Variants in LMF1 observed in about 807,000 individuals in gnomAD.
LMF1 encodes the protein lipase maturation factor 1.
A neutral mutation model predicts 60.6 loss-of-function variants in LMF1; 68 were observed. The ratio of observed to expected loss-of-function variants is 1.12; its 90% CI spans 0.92 to 1.37. The LOEUF (loss-of-function observed/expected upper bound fraction) is 1.37, where lower values mean the gene tolerates loss of function less well. Ranked by LOEUF, LMF1 falls within the 40% of genes most tolerant of loss-of-function variation. LMF1 has a pLI of 0.00. For synonymous variants in LMF1, 418 were observed against 324.7 expected (o/e 1.29, Z -3.09); for missense variants, 948 against 767.2 (o/e 1.24, Z -2.78).
chr16:954,177 G>T lies in LMF1; in HGVS notation c.503+180C>A. On this transcript the variant is annotated intron_variant, in intron 2 of 10. Coordinates refer to ENST00000262301, the MANE Select transcript of LMF1 (RefSeq NM_022773.4). ...AGGTGGGGTTTTAATCCTGAAGATG[G>T]GTGGCTGCTGTGGCTGGTGCACTGG... 15 of 721,556 alleles carry T rather than the reference G, an allele frequency of 2.1e-5. No individual in the cohort carries two copies. The South Asian group carries it at 2.1e-4, about 10-fold the overall frequency. The allele number at this position is 721,556 out of a possible 1,614,324, so 44.7% of individuals were successfully genotyped here.
chr16:860,286 G>C (rs2069420343), intron 10 of LMF1, among the ~76,000 whole-genome samples: 1 of 151,244 alleles, frequency 6.6e-6, no homozygotes, highest in Non-Finnish European at 1.5e-5. Flanking sequence ...TCATCTTTAA[G>C]TATAATGACT....
chr16:971,197 C>T (rs1163281120), upstream of LMF1, among the ~76,000 whole-genome samples: 1 of 152,144 alleles, frequency 6.6e-6, no homozygotes, highest in Non-Finnish European at 1.5e-5. Context: ...TCGCAGTTCT[C>T]GCTGGGCGCT....
intron 1 of LMF1, among the ~76,000 whole-genome samples, chr16:977,939 TAC>T (rs1053808883): frequency 1.8e-5 from 1 of 54,218 alleles, no homozygotes; most frequent in Non-Finnish European, 3.2e-5. Flanking sequence ...ACATACATCA[TAC>T]ACACGCACAC....
rs2071104749 is a variant in LMF1 at position 911,243 on chromosome 16, G to GCAAC, written c.515-165_515-164insGTTG. ...TATTAGTCTCAACATCGACACGCAA[G>GCAAC]GTCAGGTCTGCAGGAGTGGGAGCTC... On this transcript the variant is annotated intron_variant, in intron 3 of 10. Transcript: ENST00000262301. 4 of 839,474 alleles carry GCAAC rather than the reference G, an allele frequency of 4.8e-6. No individual in the cohort carries two copies. The African/African-American group carries it at 6.8e-5, about 14-fold the overall frequency. 52.0% of individuals were successfully genotyped at this position (839,474 alleles called of 1,614,324 possible).
chr16:965,679 C>A (rs1002431812), intron 1 of LMF1, among the ~76,000 whole-genome samples: 5 of 152,162 alleles, frequency 3.3e-5, no homozygotes, highest in Non-Finnish European at 5.9e-5. Context: ...AAAGAGAATC[C>A]ACCAGCAAAC....
At chr16:940,142 T>C (rs4984991) in intron 2 of LMF1, among the ~76,000 whole-genome samples, 72,316 of 151,888 alleles carry the variant, frequency 0.48, 18,869 homozygotes, top group African/African-American at 0.69. Flanking sequence ...AGGAAGGACC[T>C]TCCCGCAGAG....
At chr16:938,113 G>A (rs1271163071) in intron 2 of LMF1, among the ~76,000 whole-genome samples, 1 of 152,038 alleles carries the variant, frequency 6.6e-6, no homozygotes, top group African/African-American at 2.4e-5. Context: ...TACCCGCCTC[G>A]CAGGAGAGGG....
chr16:945,090 A>C (rs1163096631), intron 2 of LMF1, among the ~76,000 whole-genome samples: 3 of 151,420 alleles, frequency 2.0e-5, no homozygotes, highest in Non-Finnish European at 2.9e-5. Flanking sequence ...AGATGCCTAT[A>C]ATCCCAGCTA....
At position 962,443 on chromosome 16, in the gene LMF1, G is replaced by A. The variant is rs139799289; in HGVS notation, c.194-7777C>T. Among the ~76,000 whole-genome samples the A allele has an allele frequency of 4.5e-3, 671 of 148,210 alleles. 2 individuals carry two copies. Among genetic ancestry groups the A allele is most frequent in the Non-Finnish European group, 7.8e-3 (524 of 67,356 alleles). Reference sequence around the variant, plus strand: ...GAGCGGCTTCCAGAGGACAGAGCGGGCGGGAAAGCAGGGACCTGTCAGAGG... The same window carrying A: ...GAGCGGCTTCCAGAGGACAGAGCGGACGGGAAAGCAGGGACCTGTCAGAGG... On this transcript the variant is annotated intron_variant, in intron 1 of 10. Transcript: ENST00000262301. This position sits in a 1 kb window ranked among gnomAD's most constrained non-coding sequence, Gnocchi z 4.5.
chr16:925,222 A>G (rs1482077541), intron 3 of LMF1, among the ~76,000 whole-genome samples: 1 of 152,232 alleles, frequency 6.6e-6, no homozygotes, highest in African/African-American at 2.4e-5. Context: ...AAACAATTAA[A>G]AAGCCACGTT....
chr16:979,221 C>T lies in LMF1; in HGVS notation c.-135+1924G>A, dbSNP rs1351796379. ...CCTCTCAGGCCTAGTGGCTCACACC[C>T]GCGGAGGACGAGGTCATTTTCCTGG... is the stretch of plus-strand genomic sequence containing the variant. On this transcript the variant is annotated intron_variant, in intron 1 of 6. Coordinates refer to the LMF1 transcript ENST00000570014. The T allele has an allele frequency of 2.3e-5, 9 of 391,622 alleles. No individual in the cohort carries two copies. The East Asian group carries it at 4.4e-4, about 19-fold the overall frequency. The allele number at this position is 391,622 out of a possible 1,614,324, so 24.3% of individuals were successfully genotyped here. A position where few individuals can be genotyped will look rare whatever the true frequency, so the allele number is the denominator to read the frequency against.
chr16:911,191 T>A, intron 3 of LMF1, 112 bp from the exon 4 acceptor site: 1 of 1,257,756 alleles, frequency 8.0e-7, no homozygotes, highest in Non-Finnish European at 1.1e-6. Context: ...GGGCTGATCT[T>A]GCTACTGAGA....
chr16:974,708 G>A (rs1177014268), upstream of LMF1, among the ~76,000 whole-genome samples: 3 of 152,168 alleles, frequency 2.0e-5, no homozygotes, highest in South Asian at 6.2e-4. Context: ...CAGCAGCTGC[G>A]GGCCGGCTTC....
chr16:964,195 C>A, intron 1 of LMF1: 1 of 448,942 alleles, frequency 2.2e-6, no homozygotes, highest in Admixed American at 2.4e-5. Flanking sequence ...ACTCGGGAGG[C>A]TGAGGCAGGA....
At chr16:863,579 A>AT (rs2069531071) in intron 10 of LMF1, among the ~76,000 whole-genome samples, 3 of 151,872 alleles carry the variant, frequency 2.0e-5, no homozygotes, top group African/African-American at 7.2e-5. Flanking sequence ...TTTCAGTTTC[A>AT]TTTTCTGCTT....
chr16:940,421 G>T (rs1241473860), intron 2 of LMF1, among the ~76,000 whole-genome samples: 2 of 152,036 alleles, frequency 1.3e-5, no homozygotes, highest in East Asian at 1.9e-4. Flanking sequence ...TATCATGGAG[G>T]ACAAGGCAGG....
intron 2 of LMF1, among the ~76,000 whole-genome samples, chr16:943,243 C>T (rs1273384362): frequency 7.2e-5 from 11 of 151,740 alleles, no homozygotes; most frequent in Non-Finnish European, 1.0e-4. Flanking sequence ...TGGTGGTGGG[C>T]GCCTGTAGTC....
chr16:860,869 A>T (rs570166753), intron 10 of LMF1, among the ~76,000 whole-genome samples: 1 of 152,194 alleles, frequency 6.6e-6, no homozygotes, highest in East Asian at 1.9e-4. Context: ...CACTGTGTTG[A>T]CTACTGTAGT....
At chr16:971,356 C>A (rs2073048844), upstream of LMF1, among the ~76,000 whole-genome samples, 1 of 152,240 alleles carries the variant, frequency 6.6e-6, no homozygotes. Context: ...CAGCTGTGGT[C>A]CTGGGGAAGG....
Sources: allele counts gnomAD v4.1 joint callset (sites outside exome capture counted in the v4.1 genomes callset), GRCh38; gene constraint gnomAD v4.1.1; non-coding constraint Gnocchi (gnomAD v3.1); transcripts MANE v1.5; gene names NCBI Gene and HGNC (gene_info 2026-07-23, HGNC 2026-07-21).